Variants in FAT3 observed in about 807,000 individuals in gnomAD.
FAT3 encodes the protein FAT atypical cadherin 3, also known as protocadherin Fat 3.
In FAT3, 95 loss-of-function variants were observed where a neutral mutation model predicts 310.2. The ratio of observed to expected loss-of-function variants is 0.31; its 90% CI spans 0.26 to 0.36. The LOEUF (loss-of-function observed/expected upper bound fraction) is 0.36, where lower values mean the gene tolerates loss of function less well. FAT3 is among the 10% of genes least tolerant of loss of function. FAT3 has a pLI of 1.00. For synonymous variants in FAT3, 2,314 were observed against 2,192.9 expected (o/e 1.06, Z -1.54); for missense variants, 5,408 against 5,715.6 (o/e 0.95, Z 1.74).
chr11:92,453,914 A>G (rs543699653), intron 2 of FAT3, among the ~76,000 whole-genome samples: 2 of 152,292 alleles, frequency 1.3e-5, no homozygotes, highest in African/African-American at 4.8e-5. Context: ...TTTTCAAGGA[A>G]ATTCTTTTAT....
rs748079975 is a variant in FAT3, at chr11:92,801,750, A to G, written c.8737A>G (p.Arg2913Gly). 6 of 1,613,838 alleles carry G rather than the reference A, an allele frequency of 3.7e-6. No homozygotes were observed. Residue 2913 changes from arginine to glycine, a missense_variant, in exon 10 of 28, where the codon AGA (arginine) becomes GGA (glycine). This residue lies in a region of FAT3 where 4,588 missense variants were observed against 4,809.8 expected (regional missense o/e 0.95). Transcript: ENST00000525166. Reference sequence around the variant, plus strand: ...TTCCTCCACGGCCTTGGTCTCTGTCAGAGTGACAGATATAAATGACAATGC... The same window carrying G: ...TTCCTCCACGGCCTTGGTCTCTGTCGGAGTGACAGATATAAATGACAATGC... The part of the protein sequence containing the change: ...SLSSTALVSV[R>G]VTDINDNAPV...
intron 1 of FAT3, among the ~76,000 whole-genome samples, chr11:92,265,723 CA>C (rs1309492766): frequency 6.6e-6 from 1 of 152,048 alleles, no homozygotes; most frequent in African/African-American, 2.4e-5. Flanking sequence ...AGCTCATGGA[CA>C]ATGTCATCTC....
chr11:92,508,695 T>C (rs2135301051), intron 2 of FAT3, among the ~76,000 whole-genome samples: 1 of 152,266 alleles, frequency 6.6e-6, no homozygotes, highest in Non-Finnish European at 1.5e-5. Flanking sequence ...AGGGAACCTT[T>C]TTTCCAAGTG....
chr11:92,514,637 A>G (rs1565375334), intron 2 of FAT3, among the ~76,000 whole-genome samples: 1 of 152,136 alleles, frequency 6.6e-6, no homozygotes, highest in Non-Finnish European at 1.5e-5. Flanking sequence ...CTCAGCATGC[A>G]CTTATGAATG....
At chr11:92,680,135 T>C (rs966217652) in intron 3 of FAT3, among the ~76,000 whole-genome samples, 13 of 151,880 alleles carry the variant, frequency 8.6e-5, no homozygotes, top group Non-Finnish European at 7.4e-5. Flanking sequence ...TTTTTGGTTT[T>C]TTTTTTTCAT....
chr11:92,792,408 C>G (rs1947060941), intron 8 of FAT3, among the ~76,000 whole-genome samples: 1 of 152,088 alleles, frequency 6.6e-6, no homozygotes, highest in African/African-American at 2.4e-5. Context: ...GAGCCTCTAC[C>G]CACTATTCTG....
At chr11:92,724,673 T>C (rs1444468186) in intron 4 of FAT3, among the ~76,000 whole-genome samples, 1 of 152,226 alleles carries the variant, frequency 6.6e-6, no homozygotes, top group East Asian at 1.9e-4. Context: ...ACTCACAGTA[T>C]TCATGTGTAT....
At chr11:92,638,237 T>C (rs1279046284) in intron 3 of FAT3, among the ~76,000 whole-genome samples, 1 of 152,224 alleles carries the variant, frequency 6.6e-6, no homozygotes, top group Non-Finnish European at 1.5e-5. Context: ...GACAGGCATG[T>C]ATATGCAAGT....
intron 3 of FAT3, among the ~76,000 whole-genome samples, chr11:92,537,182 T>C (rs1397860466): frequency 6.6e-6 from 1 of 152,150 alleles, no homozygotes; most frequent in Non-Finnish European, 1.5e-5. Flanking sequence ...CGAAATGACA[T>C]TTATTTGCCA....
intron 3 of FAT3, among the ~76,000 whole-genome samples, chr11:92,656,689 A>G (rs2135779991): frequency 6.6e-6 from 1 of 152,322 alleles, no homozygotes; most frequent in Admixed American, 6.5e-5. Flanking sequence ...TGTAAAAAAT[A>G]CTTAGCATTA....
chr11:92,395,589 T>TG (rs1255028073), intron 2 of FAT3, among the ~76,000 whole-genome samples: 1 of 151,936 alleles, frequency 6.6e-6, no homozygotes, highest in Non-Finnish European at 1.5e-5. Flanking sequence ...TCACTTTTTT[T>TG]TTTTTTTGAG....
intron 4 of FAT3, among the ~76,000 whole-genome samples, chr11:92,745,057 T>A (rs531457805): frequency 6.6e-6 from 1 of 152,308 alleles, no homozygotes; most frequent in African/African-American, 2.4e-5. Flanking sequence ...TGGTGCTTGG[T>A]GGAAGAGTTA....
chr11:92,670,540 G>C (rs983925404), intron 3 of FAT3, among the ~76,000 whole-genome samples: 33 of 152,284 alleles, frequency 2.2e-4, no homozygotes, highest in African/African-American at 6.0e-4. Context: ...GCCTTGTTTG[G>C]GGGGATGAGT....
intron 3 of FAT3, among the ~76,000 whole-genome samples, chr11:92,679,455 C>T (rs750973763): frequency 2.6e-5 from 4 of 152,060 alleles, no homozygotes; most frequent in African/African-American, 4.8e-5. Flanking sequence ...ACGTCCTCAT[C>T]AACACCTAGT....
rs1283288423 is a variant in FAT3 at position 92,657,039 on chromosome 11, A to C, written c.3608-40345A>C. On this transcript the variant is annotated intron_variant, in intron 3 of 27. Transcript: ENST00000525166. ...AGAAAATGTACCAGTACCAGGGAGT[A>C]AGCTAGAGAAGACCCTGTTCTACAG... 2.6e-5 allele frequency among the ~76,000 whole-genome samples: 4 copies of C among 152,150 alleles called. 1 individual carries two copies. The South Asian group carries it at 8.3e-4, about 32-fold the overall frequency.
At chr11:92,356,337 C>G (rs1948730426) in intron 2 of FAT3, among the ~76,000 whole-genome samples, 1 of 152,194 alleles carries the variant, frequency 6.6e-6, no homozygotes, top group South Asian at 2.1e-4. Flanking sequence ...TAGCACCTTA[C>G]CATTTTCAGA....
intron 1 of FAT3, among the ~76,000 whole-genome samples, chr11:92,285,774 A>T (rs1946547060): frequency 6.6e-6 from 1 of 152,166 alleles, no homozygotes; most frequent in African/African-American, 2.4e-5. Flanking sequence ...TTTGGTGCCA[A>T]AATTAAGAAG....
chr11:92,643,293 G>C (rs578094963), intron 3 of FAT3, among the ~76,000 whole-genome samples: 17 of 152,306 alleles, frequency 1.1e-4, no homozygotes, highest in Admixed American at 7.2e-4. Context: ...AAGATGCCAA[G>C]CAGCCTAAGT....
chr11:92,643,291 A>G lies in FAT3; in HGVS notation c.3608-54093A>G, dbSNP rs1247848655. Among the ~76,000 whole-genome samples the G allele has an allele frequency of 2.6e-5, 4 of 152,296 alleles. No individual in the cohort carries two copies. In the East Asian group the frequency reaches 7.7e-4, roughly 29 times the overall value. Reference sequence around the variant, plus strand: ...GAAGCAAAGGGGCATTTAAGATGCCAAGCAGCCTAAGTCACCTAAACAAGC... The same window carrying G: ...GAAGCAAAGGGGCATTTAAGATGCCGAGCAGCCTAAGTCACCTAAACAAGC... On this transcript the variant is annotated intron_variant, in intron 3 of 27. Coordinates refer to ENST00000525166, the MANE Select transcript of FAT3 (RefSeq NM_001367949.2).
Sources: gnomAD v4.1 joint callset for allele counts (sites outside exome capture counted in the v4.1 genomes callset) on GRCh38, gnomAD v4.1.1 for gene constraint, gnomAD v4.1.1 regional missense constraint, MANE v1.5 for transcripts, NCBI Gene and HGNC (gene_info 2026-07-23, HGNC 2026-07-21) for gene names.